Variants in NRP1 observed in about 807,000 individuals in gnomAD.
The protein encoded by NRP1 is neuropilin 1, also known as neuropilin-1.
In NRP1, 35 loss-of-function variants were observed where a neutral mutation model predicts 106.7. The ratio of observed to expected loss-of-function variants is 0.33; its 90% CI spans 0.25 to 0.43. The LOEUF (loss-of-function observed/expected upper bound fraction) is 0.43. Ranked by LOEUF, NRP1 falls within the 20% of genes least tolerant of loss-of-function variation. NRP1 has a pLI of 1.00. For missense variants in NRP1, 1,024 were observed against 1,170.4 expected (o/e 0.87, Z 1.83); for synonymous variants, 437 against 417.9 (o/e 1.05, Z -0.56).
intron 2 of NRP1, among the ~76,000 whole-genome samples, chr10:33,273,778 C>A (rs745884681): frequency 1.3e-5 from 2 of 152,086 alleles, no homozygotes; most frequent in South Asian, 4.2e-4. Flanking sequence ...AGAGTTGACC[C>A]CTCTGTCTGT....
At chr10:33,187,567 G>C (rs560186271) in intron 13 of NRP1, among the ~76,000 whole-genome samples, 1 of 152,256 alleles carries the variant, frequency 6.6e-6, no homozygotes, top group Admixed American at 6.5e-5. Context: ...GACACTTGCT[G>C]AACTGCGAGG....
At chr10:33,262,273 T>C (rs930391196) in intron 4 of NRP1, among the ~76,000 whole-genome samples, 6 of 152,180 alleles carry the variant, frequency 3.9e-5, no homozygotes, top group Non-Finnish European at 5.9e-5. Flanking sequence ...CCCCCTCTGT[T>C]CAGAATTTCA....
chr10:33,279,987 T>C (rs1843996959), intron 2 of NRP1, among the ~76,000 whole-genome samples: 1 of 152,218 alleles, frequency 6.6e-6, no homozygotes, highest in African/African-American at 2.4e-5. Flanking sequence ...CACACTCTCC[T>C]GATTGAAGCA....
In NRP1 at chr10:33,263,822, G is replaced by A; in HGVS notation, c.482C>T (p.Pro161Leu). Residue 161 changes from proline to leucine, a missense_variant, in exon 4 of 17, where the codon CCC (proline) becomes CTC (leucine). Around this residue, in one of 5 missense-constraint regions of NRP1, gnomAD observed 279 missense variants for 327.4 expected, o/e 0.85. Coordinates refer to ENST00000374867, the MANE Select transcript of NRP1 (RefSeq NM_003873.7). ...YTTPSGVIKS[P>L]GFPEKYPNSL... ...GTTGGGATATTTTTCAGGGAATCCG[G>A]GGGACTTTATCACTCCACTAGGTGT... 2 of 1,613,962 alleles carry A rather than the reference G, an allele frequency of 1.2e-6. No individual in the cohort carries two copies. The highest frequency in any genetic ancestry group is 1.7e-6 in the Non-Finnish European group (2 of 1,179,860).
intron 2 of NRP1, among the ~76,000 whole-genome samples, chr10:33,329,774 G>T (rs1220188687): frequency 1.3e-5 from 2 of 152,202 alleles, no homozygotes; most frequent in East Asian, 3.9e-4. Context: ...CAGTGGGTCA[G>T]AATGGGATAA....
rs57582967 is a variant in NRP1 at position 33,199,365 on chromosome 10, T to TTTTATA, written c.1865-1657_1865-1656insTATAAA. On this transcript the variant is annotated intron_variant, in intron 11 of 16. Transcript: ENST00000374867. ...GTGTGCGCCACCATGCCTGGCTGTT[T>TTTTATA]TCTATATATATATATATATATATAT... is the stretch of plus-strand genomic sequence containing the variant. Among the ~76,000 whole-genome samples, 45 of 64,268 alleles carry TTTTATA rather than the reference T, an allele frequency of 7.0e-4. 1 individual carries two copies. Among genetic ancestry groups the TTTTATA allele is most frequent in the African/African-American group, 2.2e-3 (42 of 19,444 alleles). 42.2% of individuals were successfully genotyped at this position (64,268 alleles called of 152,430 possible).
chr10:33,229,103 A>C (rs1839904554), intron 6 of NRP1, among the ~76,000 whole-genome samples: 1 of 152,198 alleles, frequency 6.6e-6, no homozygotes, highest in Admixed American at 6.5e-5. Flanking sequence ...GGCAAAACCA[A>C]ATTTTTTTTA....
chr10:33,245,850 C>T lies in NRP1; in HGVS notation c.981+8178G>A, dbSNP rs138147918. Reference sequence around the variant, plus strand: ...AGTGTTTGTTTCAAATAGACACTGGCATCAAACAGTAAGAAACCAAAACTG... The same window carrying T: ...AGTGTTTGTTTCAAATAGACACTGGTATCAAACAGTAAGAAACCAAAACTG... On this transcript the variant is annotated intron_variant, in intron 6 of 16. Coordinates refer to ENST00000374867, the MANE Select transcript of NRP1 (RefSeq NM_003873.7). Among the ~76,000 whole-genome samples, 411 of 152,286 alleles carry T rather than the reference C, an allele frequency of 2.7e-3. 2 individuals are homozygous for T. The highest frequency in any genetic ancestry group is 8.2e-3 in the African/African-American group (341 of 41,558).
At chr10:33,193,188 G>A (rs1449102541) in intron 12 of NRP1, among the ~76,000 whole-genome samples, 1 of 151,784 alleles carries the variant, frequency 6.6e-6, no homozygotes, top group Admixed American at 6.6e-5. Flanking sequence ...AAAAGACAGC[G>A]TGAATGAATT....
intron 12 of NRP1, among the ~76,000 whole-genome samples, chr10:33,192,983 T>C (rs1225092429): frequency 6.6e-6 from 1 of 152,202 alleles, no homozygotes; most frequent in Non-Finnish European, 1.5e-5. Flanking sequence ...TTTTTTTTCT[T>C]CCATGCCTTC....
At chr10:33,310,537 C>T (rs1846527676) in intron 2 of NRP1, among the ~76,000 whole-genome samples, 1 of 152,148 alleles carries the variant, frequency 6.6e-6, no homozygotes, top group Non-Finnish European at 1.5e-5. Flanking sequence ...AGGAGTGAGC[C>T]ACCGCGCCCA....
At chr10:33,311,303 C>T (rs77765204) in intron 2 of NRP1, among the ~76,000 whole-genome samples, 1 of 152,210 alleles carries the variant, frequency 6.6e-6, no homozygotes, top group East Asian at 1.9e-4. Flanking sequence ...ACAATTGCCT[C>T]TGCCAGATGT....
chr10:33,331,361 T>C (rs570386817), intron 1 of NRP1, among the ~76,000 whole-genome samples: 39 of 152,326 alleles, frequency 2.6e-4, no homozygotes, highest in Admixed American at 1.5e-3. Flanking sequence ...TTGTCTTTGA[T>C]TGGCTTAAAG....
At chr10:33,239,484 A>C (rs1345336009) in intron 6 of NRP1, among the ~76,000 whole-genome samples, 2 of 152,202 alleles carry the variant, frequency 1.3e-5, no homozygotes, top group Non-Finnish European at 2.9e-5. Flanking sequence ...TGTTTGAGCA[A>C]CTGACTTATA....
At chr10:33,300,421 G>T (rs922987710) in intron 2 of NRP1, among the ~76,000 whole-genome samples, 1 of 152,168 alleles carries the variant, frequency 6.6e-6, no homozygotes. Context: ...TTTGGACAGC[G>T]GCCAGGAGAG....
chr10:33,278,407 G>A (rs1843868527), intron 2 of NRP1, among the ~76,000 whole-genome samples: 2 of 152,068 alleles, frequency 1.3e-5, no homozygotes, highest in Admixed American at 1.3e-4. Flanking sequence ...GGAAGAACGT[G>A]GTGCTAAGGA....
At chr10:33,288,828 A>G (rs754125626) in intron 2 of NRP1, among the ~76,000 whole-genome samples, 11 of 152,178 alleles carry the variant, frequency 7.2e-5, no homozygotes, top group Non-Finnish European at 1.3e-4. Context: ...ACCCTTAATT[A>G]GGGAGTAGGA....
rs1043486722 is a variant in NRP1 at position 33,334,293 on chromosome 10, C to G, written c.73+17G>C. ...GCCGGGGCGCCGCTGTCACCCGCGC[C>G]TCTGCCTGTCACTTACCGTTGCGAA... On this transcript the variant is annotated intron_variant, in intron 1 of 16. Transcript: ENST00000374867. 1 of 1,538,484 alleles carries G rather than the reference C, an allele frequency of 6.5e-7. No individual in the cohort carries two copies.
intron 2 of NRP1, among the ~76,000 whole-genome samples, chr10:33,322,287 T>C (rs1050656119): frequency 1.8e-4 from 28 of 152,214 alleles, no homozygotes; most frequent in African/African-American, 5.8e-4. Context: ...CTTTGTGCTT[T>C]TAAACTCCAT....
Sources: gnomAD v4.1 joint callset for allele counts (sites outside exome capture counted in the v4.1 genomes callset) on GRCh38, gnomAD v4.1.1 for gene constraint, gnomAD v4.1.1 regional missense constraint, MANE v1.5 for transcripts, NCBI Gene and HGNC (gene_info 2026-07-23, HGNC 2026-07-21) for gene names.